TNFRSF19: variants seen among roughly 807,000 people sequenced by gnomAD.
The protein encoded by TNFRSF19 is TNF receptor superfamily member 19.
In TNFRSF19, 27 loss-of-function variants were observed where a neutral mutation model predicts 46.4. That is an observed-to-expected ratio of 0.58 (90% confidence interval 0.43 to 0.80). TNFRSF19 has a LOEUF of 0.80. Among genes scored for constraint, TNFRSF19 ranks in the 30% least tolerant of loss-of-function variants. The pLI is 0.00. For synonymous variants in TNFRSF19, 204 were observed against 205.0 expected (o/e 1.00, Z 0.04); for missense variants, 511 against 530.8 (o/e 0.96, Z 0.37).
chr13:23,597,967 C>T (rs2138201883), intron 3 of TNFRSF19, among the ~76,000 whole-genome samples: 1 of 152,230 alleles, frequency 6.6e-6, no homozygotes, highest in African/African-American at 2.4e-5. Flanking sequence ...AAATGTAATC[C>T]ATCACATAAA....
chr13:23,654,749 C>G (rs1883872591), intron 5 of TNFRSF19, among the ~76,000 whole-genome samples: 1 of 152,224 alleles, frequency 6.6e-6, no homozygotes, highest in Non-Finnish European at 1.5e-5. Context: ...AGTTTTCAAG[C>G]TGCCTCTGCT....
rs1951714697 is a variant in TNFRSF19 at position 23,669,346 on chromosome 13, G to A, written c.1245+249G>A. 10 of 1,283,452 alleles carry A rather than the reference G, an allele frequency of 7.8e-6. No individual in the cohort carries two copies. In the South Asian group the frequency reaches 2.4e-4, roughly 31 times the overall value. 79.5% of individuals were successfully genotyped at this position (1,283,452 alleles called of 1,614,324 possible). Reference sequence around the variant, plus strand: ...TCCTCTTTGTAAGTACAACCACTTAGCACAGCACCTGCTGCCTCCTTCCCT... The same window carrying A: ...TCCTCTTTGTAAGTACAACCACTTAACACAGCACCTGCTGCCTCCTTCCCT... On this transcript the variant is annotated intron_variant, in intron 9 of 9. Coordinates refer to ENST00000248484, the MANE Select transcript of TNFRSF19 (RefSeq NM_148957.4).
intron 5 of TNFRSF19, among the ~76,000 whole-genome samples, chr13:23,645,994 G>T (rs1751816872): frequency 6.6e-6 from 1 of 152,104 alleles, no homozygotes; most frequent in Non-Finnish European, 1.5e-5. Context: ...TCTTGATTCT[G>T]CCTTTCCTTG....
chr13:23,626,643 T>G, intron 4 of TNFRSF19, 64 bp from the exon 5 acceptor site: 1 of 1,522,974 alleles, frequency 6.6e-7, no homozygotes, highest in Non-Finnish European at 9.1e-7. Flanking sequence ...TGCTGGTAAT[T>G]TATGACCACA....
chr13:23,589,067 G>A (rs1879064800), intron 1 of TNFRSF19, among the ~76,000 whole-genome samples: 1 of 152,276 alleles, frequency 6.6e-6, no homozygotes, highest in East Asian at 1.9e-4. Context: ...GTTTGCCCAT[G>A]GTTCTGGTTC....
chr13:23,572,194 T>G (rs1877674280), intron 1 of TNFRSF19, among the ~76,000 whole-genome samples: 2 of 152,182 alleles, frequency 1.3e-5, no homozygotes, highest in Non-Finnish European at 2.9e-5. Flanking sequence ...CTGATTATAT[T>G]TTTAAAGTGT....
Position 23,630,302 on chromosome 13 carries a change from T to TAAA in TNFRSF19, c.445+3530_445+3532dup, listed in dbSNP as rs33960618. Among the ~76,000 whole-genome samples the TAAA allele has an allele frequency of 0.012, 1,113 of 89,622 alleles. 52 individuals are homozygous for TAAA. The East Asian group carries it at 0.16, about 13-fold the overall frequency. 58.8% of individuals were successfully genotyped at this position (89,622 alleles called of 152,430 possible). A position where few individuals can be genotyped will look rare whatever the true frequency, so the allele number is the denominator to read the frequency against. ...TGAACAACAGAGTAAGACCCTGTCT[T>TAAA]AAAAAAAAAAAAAAAAAAAAAAGGG... On this transcript the variant is annotated intron_variant, in intron 5 of 9. Transcript: ENST00000248484.
rs374264420 is a variant in TNFRSF19 at position 23,660,442 on chromosome 13, G to T, written c.688G>T (p.Ala230Ser). 1.2e-6 allele frequency: 2 copies of T among 1,613,726 alleles called. No individual in the cohort carries two copies. Among genetic ancestry groups the T allele is most frequent in the South Asian group, 2.2e-5 (2 of 91,052 alleles). ...TGACAGACCTCAGCTCCACGAATAT[G>T]CCCACAGAGCCTGCTGCCAGTGCCG... is the stretch of plus-strand genomic sequence containing the variant. The part of the protein sequence containing the change: ...CFDRPQLHEY[A>S]HRACCQCRRD... Residue 230 changes from alanine to serine, a missense_variant, in exon 7 of 10, where the codon GCC (alanine) becomes TCC (serine). Around this residue, in one of 3 missense-constraint regions of TNFRSF19, gnomAD observed 376 missense variants for 372.7 expected, o/e 1.01. Coordinates refer to ENST00000248484, the MANE Select transcript of TNFRSF19 (RefSeq NM_148957.4).
At chr13:23,635,714 G>A (rs924501026) in intron 5 of TNFRSF19, among the ~76,000 whole-genome samples, 4 of 152,092 alleles carry the variant, frequency 2.6e-5, no homozygotes, top group Admixed American at 1.3e-4. Context: ...TTATTATTTC[G>A]ATTATCTCAG....
At chr13:23,593,997 G>T (rs1879510106) in intron 3 of TNFRSF19, among the ~76,000 whole-genome samples, 1 of 152,194 alleles carries the variant, frequency 6.6e-6, no homozygotes, top group African/African-American at 2.4e-5. Context: ...GAAGTGCAAG[G>T]GGTCCGGGTA....
intron 5 of TNFRSF19, among the ~76,000 whole-genome samples, chr13:23,648,236 A>G (rs1883439851): frequency 6.6e-6 from 1 of 152,170 alleles, no homozygotes; most frequent in South Asian, 2.1e-4. Flanking sequence ...AGGTGCTTCC[A>G]TATATTTTGG....
chr13:23,630,193 C>CT (rs1237801400), intron 5 of TNFRSF19, among the ~76,000 whole-genome samples: 1 of 149,020 alleles, frequency 6.7e-6, no homozygotes, highest in Non-Finnish European at 1.5e-5. Context: ...ATTCTAGCTA[C>CT]TTGGGAGGCT....
chr13:23,612,244 C>T (rs1436573899), intron 3 of TNFRSF19, among the ~76,000 whole-genome samples: 1 of 152,120 alleles, frequency 6.6e-6, no homozygotes, highest in Non-Finnish European at 1.5e-5. Context: ...CAGCTGTTTT[C>T]CCTCTTTCTT....
At chr13:23,594,013 C>T (rs7337936) in intron 3 of TNFRSF19, among the ~76,000 whole-genome samples, 51,183 of 152,024 alleles carry the variant, frequency 0.34, 9,025 homozygotes, top group East Asian at 0.54. Context: ...GGGTACTCCT[C>T]CCCCTCACCA....
chr13:23,572,819 T>C (rs1452092641), intron 1 of TNFRSF19, among the ~76,000 whole-genome samples: 3 of 152,242 alleles, frequency 2.0e-5, no homozygotes, highest in African/African-American at 4.8e-5. Context: ...TTGGCAGATA[T>C]AGTCCTATTA....
At chr13:23,591,446 T>C (rs537558928) in intron 2 of TNFRSF19, among the ~76,000 whole-genome samples, 4 of 151,908 alleles carry the variant, frequency 2.6e-5, no homozygotes, top group Non-Finnish European at 5.9e-5. Flanking sequence ...GAGTGAGACT[T>C]TGTCTCAGAA....
At chr13:23,596,497 G>A (rs1879737325) in intron 3 of TNFRSF19, among the ~76,000 whole-genome samples, 1 of 152,084 alleles carries the variant, frequency 6.6e-6, no homozygotes, top group Admixed American at 6.6e-5. Context: ...AAAAGACAAG[G>A]GAATTACATA....
intron 5 of TNFRSF19, among the ~76,000 whole-genome samples, chr13:23,630,647 TCCC>T (rs745581499): frequency 3.9e-5 from 6 of 152,116 alleles, no homozygotes; most frequent in Admixed American, 1.3e-4. Context: ...CAGGCATTGT[TCCC>T]CCAAGTAACT....
At chr13:23,638,204 G>C (rs573625258) in intron 5 of TNFRSF19, among the ~76,000 whole-genome samples, 43 of 87,042 alleles carry the variant, frequency 4.9e-4, no homozygotes, top group African/African-American at 9.7e-4. Flanking sequence ...ACATCCTTGC[G>C]GGTAGGGAAG....
Sources: gnomAD v4.1 joint callset for allele counts (sites outside exome capture counted in the v4.1 genomes callset) on GRCh38, gnomAD v4.1.1 for gene constraint, gnomAD v4.1.1 regional missense constraint, MANE v1.5 for transcripts, NCBI Gene and HGNC (gene_info 2026-07-23, HGNC 2026-07-21) for gene names.